The following CHODL variants were observed in gnomAD, a reference collection of about 807,000 sequenced individuals.
CHODL encodes the protein chondrolectin.
A neutral mutation model predicts 34.5 loss-of-function variants in CHODL; 29 were observed. The observed-to-expected ratio is 0.84, with a 90% CI of 0.63 to 1.15. The LOEUF is 1.15. Ranked by LOEUF, CHODL falls within the 50% of genes most tolerant of loss-of-function variation. CHODL has a pLI of 0.00. For synonymous variants in CHODL, 125 were observed against 116.1 expected (o/e 1.08, Z -0.49); for missense variants, 332 against 332.5 (o/e 1.00, Z 0.01).
chr21:17,940,817 C>T (rs2063356828), intron 1 of CHODL, among the ~76,000 whole-genome samples: 1 of 152,196 alleles, frequency 6.6e-6, no homozygotes, highest in South Asian at 2.1e-4. Context: ...AGACGCTCTT[C>T]ATCCCCTCTA....
intron 2 of CHODL, among the ~76,000 whole-genome samples, chr21:18,169,068 T>C (rs2146655733): frequency 6.6e-6 from 1 of 152,240 alleles, no homozygotes; most frequent in East Asian, 1.9e-4. Flanking sequence ...CTCTTCATCT[T>C]TTTTTGCAAG....
At position 18,125,588 on chromosome 21, in the gene CHODL, T is replaced by TTTAA. The variant is rs199942281; in HGVS notation, c.-45+97636_-45+97639dup. On this transcript the variant is annotated intron_variant, in intron 2 of 6. Transcript: ENST00000400127. ...AATTTAATTAATTGTATTAATTACA[T>TTTAA]TTAATTAATTAATTAATTAATTTTT... Among the ~76,000 whole-genome samples, 894 of 152,068 alleles carry TTTAA rather than the reference T, an allele frequency of 5.9e-3. 11 individuals are homozygous for TTTAA. Among genetic ancestry groups the TTTAA allele is most frequent in the African/African-American group, 0.02 (827 of 41,466 alleles).
At chr21:18,144,748 A>C (rs1045824268) in intron 2 of CHODL, among the ~76,000 whole-genome samples, 1 of 151,800 alleles carries the variant, frequency 6.6e-6, no homozygotes, top group Non-Finnish European at 1.5e-5. Flanking sequence ...TTGTAAGAAG[A>C]TTTTAAAATT....
chr21:18,256,756 G>A lies in CHODL; in HGVS notation c.327G>A (p.Gly109=), dbSNP rs749953036. Residue 109 remains glycine, a synonymous_variant, in exon 2 of 6, where the codon GGG becomes GGA. Coordinates refer to ENST00000299295, the MANE Select transcript of CHODL (RefSeq NM_024944.3). ...TAGGGCTTTGGAGGAATGGAGATGG[G>A]CAAACATCTGGTGCCTGCCCAGATC... ...FWIGLWRNGD[G]QTSGACPDLY... is the part of the protein sequence containing the mutation. 1 of 1,613,968 alleles carries A rather than the reference G, an allele frequency of 6.2e-7. No homozygotes were observed. The highest frequency in any genetic ancestry group is 1.3e-5 in the African/African-American group (1 of 74,902).
At chr21:18,230,501 C>T (rs1159448201) in intron 2 of CHODL, among the ~76,000 whole-genome samples, 2 of 151,950 alleles carry the variant, frequency 1.3e-5, no homozygotes, top group Non-Finnish European at 2.9e-5. Flanking sequence ...AAAAGAATGT[C>T]AGCTATTGAG....
chr21:18,005,193 C>G (rs2146405117), intron 1 of CHODL, among the ~76,000 whole-genome samples: 1 of 152,322 alleles, frequency 6.6e-6, no homozygotes, highest in East Asian at 1.9e-4. Context: ...CTGCCACTTC[C>G]TTGCACCATG....
chr21:17,919,342 A>C (rs1310600833), intron 1 of CHODL, among the ~76,000 whole-genome samples: 2 of 152,118 alleles, frequency 1.3e-5, no homozygotes, highest in African/African-American at 4.8e-5. Flanking sequence ...ATTTCCATAC[A>C]TCCTCTGACA....
chr21:18,083,445 G>A (rs2064966358), intron 2 of CHODL, among the ~76,000 whole-genome samples: 1 of 152,206 alleles, frequency 6.6e-6, no homozygotes, highest in African/African-American at 2.4e-5. Flanking sequence ...GTGGAGCTGT[G>A]AGAAGAGGGC....
At chr21:18,167,009 A>AT (rs1330210733) in intron 2 of CHODL, among the ~76,000 whole-genome samples, 2 of 151,920 alleles carry the variant, frequency 1.3e-5, no homozygotes, top group East Asian at 1.9e-4. Flanking sequence ...AGATTTCTTA[A>AT]TTTTTTTTAG....
intron 1 of CHODL, among the ~76,000 whole-genome samples, chr21:18,250,561 A>T (rs930740367): frequency 1.3e-5 from 2 of 152,002 alleles, no homozygotes; most frequent in African/African-American, 4.8e-5. Context: ...ATAAAAGTTT[A>T]TTATAATAAA....
chr21:18,161,707 G>A lies in CHODL; in HGVS notation c.-44-94802G>A, dbSNP rs187287052. 3.0e-3 allele frequency among the ~76,000 whole-genome samples: 456 copies of A among 151,594 alleles called. 4 individuals are homozygous for A. Among genetic ancestry groups the A allele is most frequent in the Admixed American group, 3.9e-3 (59 of 15,230 alleles). On this transcript the variant is annotated intron_variant, in intron 2 of 6. Coordinates refer to the CHODL transcript ENST00000400127. The stretch of plus-strand genomic sequence containing the variant: ...TTAGATTTTTGTCATTAACTTTTTC[G>A]GGGAATTTTATTCTTCTAATCCTCC...
intron 1 of CHODL, among the ~76,000 whole-genome samples, chr21:17,933,212 C>T (rs1198162665): frequency 6.6e-6 from 1 of 152,164 alleles, no homozygotes; most frequent in South Asian, 2.1e-4. Flanking sequence ...CCTCTTGTTT[C>T]AACTGCAAAG....
chr21:18,059,939 C>T (rs1200759109), intron 2 of CHODL, among the ~76,000 whole-genome samples: 1 of 152,122 alleles, frequency 6.6e-6, no homozygotes, highest in African/African-American at 2.4e-5. Flanking sequence ...TGACACCTCC[C>T]TCTTTTCTTC....
chr21:18,205,198 A>G (rs2073698492), intron 2 of CHODL, among the ~76,000 whole-genome samples: 1 of 152,216 alleles, frequency 6.6e-6, no homozygotes, highest in Admixed American at 6.5e-5. Context: ...GCTTTTCCCC[A>G]TTCAGTATGA....
chr21:18,161,997 C>T (rs959231405), intron 2 of CHODL, among the ~76,000 whole-genome samples: 2 of 152,186 alleles, frequency 1.3e-5, no homozygotes, highest in Non-Finnish European at 1.5e-5. Context: ...TTACCACCCA[C>T]AAGATATTGT....
chr21:17,964,327 A>G (rs528305294), intron 1 of CHODL, among the ~76,000 whole-genome samples: 5 of 152,382 alleles, frequency 3.3e-5, no homozygotes, highest in Non-Finnish European at 1.5e-5. Context: ...ATGAATTCAT[A>G]TACATAGAAA....
At chr21:18,204,952 T>C (rs989739787) in intron 2 of CHODL, among the ~76,000 whole-genome samples, 1 of 152,184 alleles carries the variant, frequency 6.6e-6, no homozygotes. Context: ...GTCACGTATA[T>C]TTTATACCTT....
At chr21:17,951,447 A>G (rs1479528795) in intron 1 of CHODL, among the ~76,000 whole-genome samples, 2 of 152,216 alleles carry the variant, frequency 1.3e-5, no homozygotes, top group Non-Finnish European at 2.9e-5. Flanking sequence ...CTAAGAGACC[A>G]TGAGATCTCA....
chr21:18,149,963 G>A (rs1286069946), intron 2 of CHODL, among the ~76,000 whole-genome samples: 2 of 152,180 alleles, frequency 1.3e-5, no homozygotes, highest in South Asian at 2.1e-4. Context: ...AGGAGGTCGT[G>A]AGAACATGTG....
Sources: allele counts gnomAD v4.1 joint callset (sites outside exome capture counted in the v4.1 genomes callset), GRCh38; gene constraint gnomAD v4.1.1; transcripts MANE v1.5; gene names NCBI Gene and HGNC (gene_info 2026-07-23, HGNC 2026-07-21).